Variants in NTM observed in about 807,000 individuals in gnomAD.
NTM encodes the protein IgLON family member 2.
Under a neutral mutation model 42.1 loss-of-function variants are expected in NTM, and 13 were observed. The ratio of observed to expected loss-of-function variants is 0.31; its 90% CI spans 0.20 to 0.49. The LOEUF is 0.49. Among genes scored for constraint, NTM ranks in the 20% least tolerant of loss-of-function variants. The probability of loss-of-function intolerance (pLI) is 0.99; values close to 1 mark genes in which losing one functional copy is unlikely to be tolerated. For synonymous variants in NTM, 187 were observed against 179.2 expected (o/e 1.04, Z -0.35); for missense variants, 373 against 452.8 (o/e 0.82, Z 1.60).
intron 2 of NTM, among the ~76,000 whole-genome samples, chr11:131,936,682 C>T (rs149883544): frequency 3.7e-4 from 57 of 152,282 alleles, no homozygotes; most frequent in African/African-American, 1.4e-3. Flanking sequence ...TGCATACACA[C>T]ACAAACACAC....
intron 2 of NTM, among the ~76,000 whole-genome samples, chr11:132,054,535 T>C (rs1482057588): frequency 5.3e-5 from 8 of 152,170 alleles, no homozygotes; most frequent in African/African-American, 1.7e-4. Context: ...CAAATTCCCA[T>C]GTTAGGGAGA....
intron 2 of NTM, among the ~76,000 whole-genome samples, chr11:132,092,377 T>A (rs1046274075): frequency 6.6e-6 from 1 of 152,168 alleles, no homozygotes; most frequent in South Asian, 2.1e-4. Context: ...CTCACCAAGA[T>A]GACCACTGGC....
At chr11:132,009,217 G>A (rs112936282) in intron 2 of NTM, among the ~76,000 whole-genome samples, 3,524 of 152,242 alleles carry the variant, frequency 0.023, 54 homozygotes, top group South Asian at 0.054. Flanking sequence ...CCTGAAATAC[G>A]CCTGTGCCTG....
intron 1 of NTM, among the ~76,000 whole-genome samples, chr11:131,547,939 C>A (rs569954008): frequency 6.6e-6 from 1 of 152,064 alleles, no homozygotes; most frequent in African/African-American, 2.4e-5. Context: ...GCCTAGGAGG[C>A]GTCCGAATAA....
At chr11:131,698,664 A>G (rs1212461293) in intron 1 of NTM, among the ~76,000 whole-genome samples, 1 of 152,234 alleles carries the variant, frequency 6.6e-6, no homozygotes, top group Non-Finnish European at 1.5e-5. Flanking sequence ...TTCACAAAGG[A>G]AAAGGATTTT....
At chr11:131,615,442 T>C (rs185643801) in intron 1 of NTM, among the ~76,000 whole-genome samples, 8 of 152,272 alleles carry the variant, frequency 5.3e-5, no homozygotes, top group East Asian at 1.9e-4. Flanking sequence ...CTCGGTTCAC[T>C]GAAACCTCTG....
intron 1 of NTM, among the ~76,000 whole-genome samples, chr11:131,786,208 C>G (rs1375442949): frequency 6.6e-6 from 1 of 152,172 alleles, no homozygotes. Flanking sequence ...TAAGACAGGT[C>G]TTGGAGCTGA....
chr11:131,830,498 C>T (rs1048268711), intron 1 of NTM, among the ~76,000 whole-genome samples: 2 of 152,060 alleles, frequency 1.3e-5, no homozygotes. Flanking sequence ...TTTATTTCTG[C>T]ATTCTCTATT....
At chr11:132,193,430 A>T in intron 3 of NTM, among the ~76,000 whole-genome samples, 1 of 152,116 alleles carries the variant, frequency 6.6e-6, no homozygotes. Flanking sequence ...ACATTAAAGT[A>T]AAAATAAAAA....
In NTM at chr11:131,726,909, C is replaced by T. The variant is rs552058216; in HGVS notation, c.83-184655C>T. ...TTTCCACAGAGACGGGGCTGGTCGT[C>T]AACTTCTGGGCTCAAGCACTTCTCC... On this transcript the variant is annotated intron_variant, in intron 1 of 8. Transcript: ENST00000683400. Among the ~76,000 whole-genome samples, 259 of 151,308 alleles carry T rather than the reference C, an allele frequency of 1.7e-3. 20 individuals carry two copies. Among genetic ancestry groups the T allele is most frequent in the African/African-American group, 6.1e-3 (248 of 40,664 alleles).
At chr11:131,447,841 G>T (rs186842370) in intron 1 of NTM, among the ~76,000 whole-genome samples, 1 of 152,146 alleles carries the variant, frequency 6.6e-6, no homozygotes, top group Non-Finnish European at 1.5e-5. Flanking sequence ...GGCCTGAACC[G>T]CAGCCGCCAT....
intron 2 of NTM, among the ~76,000 whole-genome samples, chr11:132,072,443 G>A (rs80165998): frequency 1.7e-3 from 265 of 152,270 alleles, no homozygotes; most frequent in African/African-American, 5.8e-3. Flanking sequence ...GTTGCTTTTG[G>A]TATTTCTGTT....
At chr11:131,604,354 T>C (rs1471767068) in intron 1 of NTM, among the ~76,000 whole-genome samples, 1 of 152,212 alleles carries the variant, frequency 6.6e-6, no homozygotes, top group African/African-American at 2.4e-5. Context: ...ATTCAGATCC[T>C]GTGACCATTT....
At chr11:132,315,655 A>G (rs769500449) in intron 7 of NTM, among the ~76,000 whole-genome samples, 3 of 152,194 alleles carry the variant, frequency 2.0e-5, no homozygotes, top group East Asian at 3.9e-4. Context: ...GGATAATCCC[A>G]TGGCCCAGCC....
intron 2 of NTM, among the ~76,000 whole-genome samples, chr11:132,034,351 G>A (rs948654264): frequency 6.6e-6 from 1 of 152,158 alleles, no homozygotes; most frequent in African/African-American, 2.4e-5. Flanking sequence ...GCCTCACCAC[G>A]ATTTGCTTCA....
chr11:132,203,554 C>T (rs1300449689), intron 3 of NTM, among the ~76,000 whole-genome samples: 1 of 152,042 alleles, frequency 6.6e-6, no homozygotes, highest in African/African-American at 2.4e-5. Flanking sequence ...ATGTATATTC[C>T]CATGATTCCA....
Position 131,453,821 on chromosome 11 carries a change from T to G in NTM, c.82+82933T>G, listed in dbSNP as rs1950666468. On this transcript the variant is annotated intron_variant, in intron 1 of 8. Coordinates refer to ENST00000683400, the MANE Select transcript of NTM (RefSeq NM_001352005.2). ...GGAGGACGGTGTGATAACTCCAACA[T>G]CCACATGTCCCTCCCACACCAGCAG... is the stretch of plus-strand genomic sequence containing the variant. Among the ~76,000 whole-genome samples, 5 of 152,182 alleles carry G rather than the reference T, an allele frequency of 3.3e-5. No individual in the cohort carries two copies. In the South Asian group the frequency reaches 1.0e-3, roughly 32 times the overall value.
chr11:132,065,281 A>C (rs971406987), intron 2 of NTM, among the ~76,000 whole-genome samples: 3 of 152,160 alleles, frequency 2.0e-5, no homozygotes, highest in Non-Finnish European at 2.9e-5. Flanking sequence ...CCAACTCCTC[A>C]CCACATACAT....
At chr11:132,203,728 A>G (rs1275294281) in intron 3 of NTM, among the ~76,000 whole-genome samples, 1 of 152,082 alleles carries the variant, frequency 6.6e-6, no homozygotes, top group African/African-American at 2.4e-5. Context: ...TGTCTCTACT[A>G]AAAATAACAC....
Sources: allele counts gnomAD v4.1 joint callset (sites outside exome capture counted in the v4.1 genomes callset), GRCh38; gene constraint gnomAD v4.1.1; transcripts MANE v1.5; gene names NCBI Gene and HGNC (gene_info 2026-07-23, HGNC 2026-07-21).